Variants in STAG1 observed in about 807,000 individuals in gnomAD.
STAG1 encodes the protein cohesin subunit SA-1.
Under a neutral mutation model 170.9 loss-of-function variants are expected in STAG1, and 26 were observed. The observed-to-expected ratio is 0.15, with a 90% confidence interval of 0.11 to 0.21. The LOEUF is 0.21. Ranked by LOEUF, STAG1 falls within the 10% of genes least tolerant of loss-of-function variation. The pLI is 1.00. For missense variants in STAG1, 964 were observed against 1,509.5 expected (o/e 0.64, Z 5.99); for synonymous variants, 514 against 497.7 (o/e 1.03, Z -0.44).
At chr3:136,552,664 G>A (rs1052496935) in intron 5 of STAG1, among the ~76,000 whole-genome samples, 1 of 152,132 alleles carries the variant, frequency 6.6e-6, no homozygotes, top group Non-Finnish European at 1.5e-5. Context: ...ACATCTTCAG[G>A]TTAAGGCTAA....
At chr3:136,380,821 A>G (rs1237896966) in intron 22 of STAG1, among the ~76,000 whole-genome samples, 3 of 151,716 alleles carry the variant, frequency 2.0e-5, no homozygotes, top group Non-Finnish European at 2.9e-5. Flanking sequence ...GGAGTTCAAG[A>G]CCAGCCTGGG....
At chr3:136,415,311 A>T (rs952559117) in intron 21 of STAG1, among the ~76,000 whole-genome samples, 12 of 65,504 alleles carry the variant, frequency 1.8e-4, no homozygotes, top group African/African-American at 3.8e-4. Flanking sequence ...ATTGGTTATT[A>T]TAAAAAAAAA....
intron 1 of STAG1, among the ~76,000 whole-genome samples, chr3:136,653,133 G>A (rs1004639204): frequency 7.0e-4 from 106 of 152,096 alleles, no homozygotes; most frequent in African/African-American, 2.2e-3. Context: ...TTTGCCAGGC[G>A]TGGTGGTGTA....
At chr3:136,380,973 T>C (rs1354682094) in intron 22 of STAG1, among the ~76,000 whole-genome samples, 1 of 149,542 alleles carries the variant, frequency 6.7e-6, no homozygotes, top group African/African-American at 2.5e-5. Context: ...TGAGCTGAGA[T>C]TGATTGTGCC....
intron 23 of STAG1, among the ~76,000 whole-genome samples, chr3:136,370,111 T>C (rs1446647514): frequency 1.3e-5 from 2 of 152,032 alleles, no homozygotes; most frequent in African/African-American, 4.8e-5. Flanking sequence ...TTCTATTCTA[T>C]ACTTTTAATC....
intron 12 of STAG1, 144 bp downstream of exon 12, chr3:136,472,269 T>A (rs1038260732): frequency 1.2e-5 from 6 of 491,774 alleles, no homozygotes; most frequent in African/African-American, 1.2e-4. Flanking sequence ...GAAAACACTT[T>A]TTAAATCTAA....
chr3:136,420,934 C>T (rs572444331), intron 20 of STAG1, among the ~76,000 whole-genome samples, 159 bp downstream of exon 20: 3 of 152,142 alleles, frequency 2.0e-5, no homozygotes, highest in African/African-American at 7.2e-5. Flanking sequence ...CAGGTGGACA[C>T]TCTCATGCCC....
intron 21 of STAG1, among the ~76,000 whole-genome samples, chr3:136,411,631 A>C (rs907796083): frequency 4.6e-5 from 7 of 152,282 alleles, no homozygotes; most frequent in Non-Finnish European, 8.8e-5. Flanking sequence ...TTCGTGTGTC[A>C]GAAAGGATGG....
intron 4 of STAG1, among the ~76,000 whole-genome samples, chr3:136,586,255 T>C (rs1310309404): frequency 7.2e-6 from 1 of 139,160 alleles, no homozygotes; most frequent in African/African-American, 2.8e-5. Context: ...TACATATACA[T>C]ATACACACAC....
chr3:136,416,472 G>A (rs980488980), intron 21 of STAG1, among the ~76,000 whole-genome samples: 2 of 152,190 alleles, frequency 1.3e-5, no homozygotes, highest in Admixed American at 6.5e-5. Context: ...AATAATGATG[G>A]TATAGTAAGT....
chr3:136,377,013 G>A (rs369523038), intron 23 of STAG1, among the ~76,000 whole-genome samples: 3 of 150,788 alleles, frequency 2.0e-5, no homozygotes, highest in East Asian at 4.0e-4. Flanking sequence ...TCTTGACCTT[G>A]TGATCTGCCC....
intron 1 of STAG1, among the ~76,000 whole-genome samples, chr3:136,717,623 C>A (rs1943576516): frequency 6.6e-6 from 1 of 152,128 alleles, no homozygotes; most frequent in South Asian, 2.1e-4. Flanking sequence ...GAGATCGTGC[C>A]ATTGCACTCC....
At chr3:136,677,420 TA>T (rs1171515302) in intron 1 of STAG1, among the ~76,000 whole-genome samples, 4 of 152,198 alleles carry the variant, frequency 2.6e-5, no homozygotes, top group African/African-American at 9.6e-5. Flanking sequence ...GAAATGTCAT[TA>T]TATGACATAT....
chr3:136,524,545 G>A (rs967062855), intron 6 of STAG1, among the ~76,000 whole-genome samples: 5 of 152,064 alleles, frequency 3.3e-5, no homozygotes, highest in African/African-American at 4.8e-5. Flanking sequence ...CTGCAAACAG[G>A]GACAATTTGA....
chr3:136,394,826 A>C (rs2087105823), intron 22 of STAG1, among the ~76,000 whole-genome samples: 1 of 151,642 alleles, frequency 6.6e-6, no homozygotes, highest in Admixed American at 6.6e-5. Flanking sequence ...GGTGGTAGGC[A>C]CCAGTAATCC....
intron 1 of STAG1, among the ~76,000 whole-genome samples, chr3:136,650,895 T>C (rs985374618): frequency 1.4e-5 from 2 of 145,550 alleles, no homozygotes; most frequent in Admixed American, 6.9e-5. Context: ...TTTCAAAGTA[T>C]ACACACAAGA....
At position 136,364,338 on chromosome 3, in the gene STAG1, C is replaced by T. The variant is rs113942384; in HGVS notation, c.2686-871G>A. 4.7e-3 allele frequency among the ~76,000 whole-genome samples: 708 copies of T among 152,238 alleles called. 4 individuals carry two copies. Among genetic ancestry groups the T allele is most frequent in the African/African-American group, 0.016 (674 of 41,524 alleles). ...CCTCAAGTGATCCACCAGCCTCAGC[C>T]TCCAAAAGTGCTGGGATTACAGGCG... On this transcript the variant is annotated intron_variant, in intron 25 of 33. Coordinates refer to ENST00000383202, the MANE Select transcript of STAG1 (RefSeq NM_005862.3).
At chr3:136,355,589 C>T (rs1206116991) in intron 28 of STAG1, among the ~76,000 whole-genome samples, 3 of 152,074 alleles carry the variant, frequency 2.0e-5, no homozygotes, top group South Asian at 2.1e-4. Flanking sequence ...ACAGAACACA[C>T]ATCTACAGAA....
At chr3:136,719,645 GGGTAGGTGGGTGGGTGGGTA>G (rs1933099986) in intron 1 of STAG1, among the ~76,000 whole-genome samples, 1 of 130,520 alleles carries the variant, frequency 7.7e-6, no homozygotes, top group Non-Finnish European at 1.7e-5. Flanking sequence ...GTGGGTAGGT[GGGTAGGTGGGTGGGTGGGTA>G]GGTGGGTGGG....
Sources: gnomAD v4.1 joint callset for allele counts (sites outside exome capture counted in the v4.1 genomes callset) on GRCh38, gnomAD v4.1.1 for gene constraint, MANE v1.5 for transcripts, NCBI Gene and HGNC (gene_info 2026-07-23, HGNC 2026-07-21) for gene names.